ADGRV1: variants seen among roughly 807,000 people sequenced by gnomAD.
The protein encoded by ADGRV1 is adhesion G protein-coupled receptor V1, also known as G-protein coupled receptor 98.
ADGRV1 carries 359 observed loss-of-function variants against 596.2 expected under a neutral mutation model. That is an observed-to-expected ratio of 0.60 (90% CI 0.55 to 0.66). The LOEUF is 0.66. Ranked by LOEUF, ADGRV1 falls within the 30% of genes least tolerant of loss-of-function variation. ADGRV1 has a pLI of 0.00. For missense variants in ADGRV1, 7,274 were observed against 7,575.6 expected, an observed-to-expected ratio of 0.96 and a Z score of 1.48; for synonymous variants, 2,681 against 2,679.2, an observed-to-expected ratio of 1.00 and a Z score of -0.02.
chr5:90,680,534 A>G (rs562804082), intron 26 of ADGRV1, among the ~76,000 whole-genome samples: 1 of 152,294 alleles, frequency 6.6e-6, no homozygotes, highest in South Asian at 2.1e-4. Flanking sequence ...TGAAAAGCAT[A>G]CTTAGAATAT....
At chr5:91,144,588 G>A (rs1335348203) in intron 87 of ADGRV1, among the ~76,000 whole-genome samples, 2 of 152,176 alleles carry the variant, frequency 1.3e-5, no homozygotes, top group African/African-American at 4.8e-5. Context: ...TTACAGGCAT[G>A]AGCCACCACG....
intron 48 of ADGRV1, 75 bp from the exon 49 acceptor site, chr5:90,728,576 GATCCAAGAGAGTAAACAT>G: frequency 1.9e-6 from 2 of 1,034,926 alleles, no homozygotes; most frequent in Non-Finnish European, 2.9e-6. Context: ...TAAATAAAAG[GATCCAAGAGAGTAAACAT>G]ATGGTATTGA....
At chr5:90,951,859 A>G (rs1040799034) in intron 83 of ADGRV1, among the ~76,000 whole-genome samples, 5 of 152,206 alleles carry the variant, frequency 3.3e-5, no homozygotes, top group Non-Finnish European at 7.4e-5. Context: ...AATCCAAGTT[A>G]TAAAGAGTTG....
At chr5:90,819,083 C>T (rs1053351703) in intron 75 of ADGRV1, among the ~76,000 whole-genome samples, 4 of 152,190 alleles carry the variant, frequency 2.6e-5, no homozygotes, top group South Asian at 2.1e-4. Context: ...ATTATTGCTA[C>T]AATTTCAGCT....
chr5:90,723,493 A>G (rs1277154506), intron 45 of ADGRV1, among the ~76,000 whole-genome samples: 1 of 152,214 alleles, frequency 6.6e-6, no homozygotes. Context: ...ATGAGAGCAC[A>G]TGTCGGAGAT....
chr5:90,933,704 C>T (rs1055777215), intron 83 of ADGRV1, among the ~76,000 whole-genome samples: 4 of 152,234 alleles, frequency 2.6e-5, no homozygotes, highest in African/African-American at 9.6e-5. Flanking sequence ...TTGGTTCTCC[C>T]GGGAAGTTCT....
intron 62 of ADGRV1, among the ~76,000 whole-genome samples, 164 bp downstream of exon 62, chr5:90,778,207 TGTGTGTGTGTGTG>T (rs1758457405): frequency 6.6e-6 from 1 of 151,612 alleles, no homozygotes; most frequent in Non-Finnish European, 1.5e-5. Context: ...CGTGCACGTG[TGTGTGTGTGTGTG>T]GTGTGTGTGT....
At chr5:91,099,792 G>A (rs1259931754) in intron 86 of ADGRV1, among the ~76,000 whole-genome samples, 4 of 152,128 alleles carry the variant, frequency 2.6e-5, no homozygotes, top group African/African-American at 9.7e-5. Flanking sequence ...GTGATGTTGG[G>A]TTGGAATTAG....
At chr5:90,609,788 G>T (rs1379308004) in intron 1 of ADGRV1, among the ~76,000 whole-genome samples, 2 of 151,970 alleles carry the variant, frequency 1.3e-5, no homozygotes, top group African/African-American at 4.8e-5. Context: ...AAAAGATGAA[G>T]CTAATAAGGT....
At chr5:91,035,988 C>A (rs1204993902) in intron 85 of ADGRV1, among the ~76,000 whole-genome samples, 2 of 150,228 alleles carry the variant, frequency 1.3e-5, no homozygotes, top group African/African-American at 4.9e-5. Context: ...ATAAAGGAAG[C>A]TTGACAGATG....
intron 77 of ADGRV1, among the ~76,000 whole-genome samples, chr5:90,836,613 A>G (rs1274243759): frequency 7.9e-5 from 12 of 152,206 alleles, no homozygotes. Flanking sequence ...GTAGAAGTTA[A>G]CATGCAGAAT....
At chr5:91,117,641 C>T (rs1056951903) in intron 87 of ADGRV1, among the ~76,000 whole-genome samples, 1 of 152,148 alleles carries the variant, frequency 6.6e-6, no homozygotes, top group African/African-American at 2.4e-5. Context: ...ATATTGGAAA[C>T]CTCAGTTTTG....
chr5:90,978,495 T>A (rs1779814346), intron 84 of ADGRV1, among the ~76,000 whole-genome samples: 1 of 152,050 alleles, frequency 6.6e-6, no homozygotes, highest in Non-Finnish European at 1.5e-5. Flanking sequence ...TTAGGATGAA[T>A]AAGATCTAGT....
At chr5:90,972,399 A>T (rs982552659) in intron 84 of ADGRV1, among the ~76,000 whole-genome samples, 5 of 152,222 alleles carry the variant, frequency 3.3e-5, no homozygotes, top group African/African-American at 1.2e-4. Context: ...CAGATTATAC[A>T]TTCTTCTCAG....
chr5:91,016,004 C>T (rs1783140378), intron 85 of ADGRV1, among the ~76,000 whole-genome samples: 1 of 151,838 alleles, frequency 6.6e-6, no homozygotes. Flanking sequence ...TAGCTGGTAA[C>T]AGTCTTTCTC....
chr5:91,156,572 A>T (rs575255089), intron 89 of ADGRV1, among the ~76,000 whole-genome samples: 3 of 152,346 alleles, frequency 2.0e-5, no homozygotes, highest in African/African-American at 7.2e-5. Flanking sequence ...TAATTAAATT[A>T]GATCTATATT....
At chr5:90,858,110 T>C (rs1209056300) in intron 82 of ADGRV1, among the ~76,000 whole-genome samples, 1 of 152,220 alleles carries the variant, frequency 6.6e-6, no homozygotes, top group East Asian at 1.9e-4. Context: ...CATATACCTG[T>C]GACTTAAAAT....
intron 34 of ADGRV1, among the ~76,000 whole-genome samples, chr5:90,701,606 A>ATG (rs879517426): frequency 6.6e-6 from 1 of 151,708 alleles, no homozygotes; most frequent in African/African-American, 2.4e-5. Flanking sequence ...GTTTGTGTAT[A>ATG]TGTGTGTGTG....
At chr5:90,955,507 C>G (rs1177779738) in intron 83 of ADGRV1, among the ~76,000 whole-genome samples, 1 of 152,028 alleles carries the variant, frequency 6.6e-6, no homozygotes, top group Non-Finnish European at 1.5e-5. Flanking sequence ...AACCTTGGCT[C>G]TGGAATCAGG....
Sources: gnomAD v4.1 joint callset for allele counts (sites outside exome capture counted in the v4.1 genomes callset) on GRCh38, gnomAD v4.1.1 for gene constraint, MANE v1.5 for transcripts, NCBI Gene and HGNC (gene_info 2026-07-23, HGNC 2026-07-21) for gene names.